The following MRPS28 variants were observed in gnomAD, a reference collection of about 807,000 sequenced individuals.
MRPS28 encodes small ribosomal subunit protein bS1m.
MRPS28 carries 7 observed loss-of-function variants against 10.8 expected under a neutral mutation model. The observed-to-expected ratio is 0.65, with a 90% confidence interval of 0.37 to 1.22. MRPS28 has a LOEUF of 1.22. MRPS28 is among the 50% of genes most tolerant of loss of function. The pLI, the probability that MRPS28 is intolerant of heterozygous loss-of-function variation, is 0.02. For missense variants in MRPS28, 265 were observed against 232.9 expected, an observed-to-expected ratio of 1.14 and a Z score of -0.90; for synonymous variants, 121 against 93.3, an observed-to-expected ratio of 1.30 and a Z score of -1.71.
intron 2 of MRPS28, among the ~76,000 whole-genome samples, chr8:79,999,407 G>A (rs779147394): frequency 2.0e-5 from 3 of 152,232 alleles, no homozygotes; most frequent in Non-Finnish European, 2.9e-5. Context: ...ATAAGTAGGA[G>A]TAATCAGTAA....
At chr8:79,928,253 C>G (rs1213066730) in intron 2 of MRPS28, among the ~76,000 whole-genome samples, 1 of 152,036 alleles carries the variant, frequency 6.6e-6, no homozygotes, top group Non-Finnish European at 1.5e-5. Context: ...AGCTCCTGAG[C>G]CCAGGAGTTC....
chr8:80,014,746 A>G (rs1263208832), intron 1 of MRPS28, among the ~76,000 whole-genome samples: 2 of 152,230 alleles, frequency 1.3e-5, no homozygotes, highest in African/African-American at 4.8e-5. Flanking sequence ...TTAATTTCTT[A>G]TAGACTCAGT....
chr8:79,972,182 A>G (rs1807651947), intron 2 of MRPS28, among the ~76,000 whole-genome samples: 1 of 152,224 alleles, frequency 6.6e-6, no homozygotes, highest in African/African-American at 2.4e-5. Context: ...AATTATCTGC[A>G]TAGAATTTAT....
intron 2 of MRPS28, among the ~76,000 whole-genome samples, chr8:79,931,051 C>T (rs993669682): frequency 3.3e-5 from 5 of 152,002 alleles, no homozygotes; most frequent in African/African-American, 1.2e-4. Context: ...AAAAAACATT[C>T]AAATAATAAA....
At chr8:79,967,272 T>C (rs1224839748) in intron 2 of MRPS28, among the ~76,000 whole-genome samples, 1 of 152,206 alleles carries the variant, frequency 6.6e-6, no homozygotes, top group Non-Finnish European at 1.5e-5. Context: ...CATGTCTGCA[T>C]GCTTCTTCTT....
Position 79,987,118 on chromosome 8 carries a change from G to A in MRPS28, c.395+15881C>T, listed in dbSNP as rs1184755228. ...ACAGAACAGAGCCCTCAGAAATAAC[G>A]CCGCATAGCTACAACTATCTGATCT... is the stretch of plus-strand genomic sequence containing the variant. On this transcript the variant is annotated intron_variant, in intron 2 of 2. Transcript: ENST00000276585. Among the ~76,000 whole-genome samples, 12 of 152,022 alleles carry A rather than the reference G, an allele frequency of 7.9e-5. 1 individual carries two copies. The highest frequency in any genetic ancestry group is 4.6e-4 in the Admixed American group (7 of 15,264).
At chr8:79,919,941 T>A (rs1463167931) in intron 2 of MRPS28, among the ~76,000 whole-genome samples, 1 of 89,420 alleles carries the variant, frequency 1.1e-5, no homozygotes, top group African/African-American at 4.2e-5. Context: ...ATGCTATCCC[T>A]CCCCCCACCC....
At chr8:79,988,936 T>C (rs769056856) in intron 2 of MRPS28, among the ~76,000 whole-genome samples, 5 of 152,072 alleles carry the variant, frequency 3.3e-5, no homozygotes, top group Non-Finnish European at 5.9e-5. Flanking sequence ...TAGAAGAATA[T>C]AGAAAAAGAA....
At chr8:79,922,600 A>C (rs2129850242) in intron 2 of MRPS28, among the ~76,000 whole-genome samples, 1 of 143,678 alleles carries the variant, frequency 7.0e-6, no homozygotes, top group East Asian at 1.9e-4. Flanking sequence ...AATTTTTATT[A>C]GTTAAAAAAT....
intron 2 of MRPS28, among the ~76,000 whole-genome samples, chr8:79,967,261 A>C (rs1807526294): frequency 6.6e-6 from 1 of 152,156 alleles, no homozygotes; most frequent in Non-Finnish European, 1.5e-5. Context: ...TTTTCTCTCC[A>C]CATGTCTGCA....
At chr8:79,987,547 C>T (rs1586079471) in intron 2 of MRPS28, among the ~76,000 whole-genome samples, 1 of 152,188 alleles carries the variant, frequency 6.6e-6, no homozygotes, top group East Asian at 1.9e-4. Context: ...GGCTAATATC[C>T]AGAATCTACA....
At chr8:79,923,099 C>T (rs1433687753) in intron 2 of MRPS28, among the ~76,000 whole-genome samples, 1 of 152,090 alleles carries the variant, frequency 6.6e-6, no homozygotes, top group Non-Finnish European at 1.5e-5. Flanking sequence ...AAGTCAGTCA[C>T]ATTTTCTAGT....
chr8:80,021,537 G>A (rs1027014774), intron 1 of MRPS28, among the ~76,000 whole-genome samples: 1 of 152,196 alleles, frequency 6.6e-6, no homozygotes, highest in Non-Finnish European at 1.5e-5. Context: ...GGGACCAAGG[G>A]ATGCTTTTAA....
chr8:80,012,720 C>T (rs149054388), intron 1 of MRPS28, among the ~76,000 whole-genome samples: 4 of 152,250 alleles, frequency 2.6e-5, no homozygotes, highest in East Asian at 1.9e-4. Context: ...TTGACAGGAC[C>T]GTCAAGGTAG....
At chr8:79,996,379 C>T (rs551670797) in intron 2 of MRPS28, among the ~76,000 whole-genome samples, 1 of 152,248 alleles carries the variant, frequency 6.6e-6, no homozygotes, top group East Asian at 1.9e-4. Context: ...ATACTATTTC[C>T]TAGTCTGTTC....
intron 1 of MRPS28, among the ~76,000 whole-genome samples, chr8:80,013,634 C>CAAAAAAAAAAAAAA (rs5892700): frequency 2.6e-5 from 2 of 75,624 alleles, no homozygotes; most frequent in African/African-American, 5.4e-5. Flanking sequence ...GACTCCATCT[C>CAAAAAAAAAAAAAA]AAAAAAAAAA....
At position 79,918,917 on chromosome 8, in the gene MRPS28, TA is replaced by T; in HGVS notation, c.*62del. The stretch of plus-strand genomic sequence containing the variant: ...TTCAATCATTTATTCACAATTAGTC[TA>T]ATTGCATTCTTGATGAATAACTGAC... On this transcript the variant is annotated 3_prime_UTR_variant, in exon 3 of 3. Transcript: ENST00000276585. 1 of 1,226,670 alleles carries T rather than the reference TA, an allele frequency of 8.2e-7. No homozygotes were observed. Among genetic ancestry groups the T allele is most frequent in the Non-Finnish European group, 1.1e-6 (1 of 917,574 alleles). 76.0% of individuals were successfully genotyped at this position (1,226,670 alleles called of 1,614,324 possible).
chr8:79,951,585 T>C (rs1807081301), intron 2 of MRPS28, among the ~76,000 whole-genome samples: 1 of 152,212 alleles, frequency 6.6e-6, no homozygotes, highest in South Asian at 2.1e-4. Context: ...CCCCGGCAGA[T>C]CTTGATAAGT....
intron 2 of MRPS28, chr8:79,958,166 C>A (rs953718173): frequency 4.1e-6 from 2 of 493,020 alleles, no homozygotes; most frequent in South Asian, 3.3e-5. Context: ...ATCTCTCCCC[C>A]TCCCCTATTC....
Sources: allele counts gnomAD v4.1 joint callset (sites outside exome capture counted in the v4.1 genomes callset), GRCh38; gene constraint gnomAD v4.1.1; transcripts MANE v1.5; gene names NCBI Gene and HGNC (gene_info 2026-07-23, HGNC 2026-07-21).